KATNIP: variants seen among roughly 807,000 people sequenced by gnomAD.
The protein encoded by KATNIP is katanin-interacting protein.
Under a neutral mutation model 174.0 loss-of-function variants are expected in KATNIP, and 126 were observed. The observed-to-expected ratio is 0.72, with a 90% CI of 0.63 to 0.84. The LOEUF is 0.84. Among genes scored for constraint, KATNIP ranks in the 40% least tolerant of loss-of-function variants. The probability of loss-of-function intolerance (pLI) is 0.00; values close to 1 mark genes in which losing one functional copy is unlikely to be tolerated. For synonymous variants in KATNIP, 810 were observed against 835.7 expected (o/e 0.97, Z 0.53); for missense variants, 1,958 against 2,109.7 (o/e 0.93, Z 1.41).
intron 14 of KATNIP, among the ~76,000 whole-genome samples, chr16:27,736,999 G>A (rs1567370499): frequency 1.3e-5 from 2 of 152,100 alleles, no homozygotes. Flanking sequence ...ACGAGGGGAC[G>A]GCAAGCTTTT....
At chr16:27,680,605 C>T (rs1338848529) in intron 7 of KATNIP, among the ~76,000 whole-genome samples, 1 of 152,128 alleles carries the variant, frequency 6.6e-6, no homozygotes, top group Non-Finnish European at 1.5e-5. Flanking sequence ...TAACTCACTG[C>T]AGTCTCAAAT....
chr16:27,577,056 A>G (rs535934972), intron 2 of KATNIP, among the ~76,000 whole-genome samples: 10 of 152,272 alleles, frequency 6.6e-5, no homozygotes, highest in African/African-American at 2.4e-4. Flanking sequence ...GCTGTTGTCA[A>G]TGAACTCACC....
chr16:27,617,311 T>TA (rs2076070513), intron 2 of KATNIP, among the ~76,000 whole-genome samples: 1 of 152,218 alleles, frequency 6.6e-6, no homozygotes, highest in Admixed American at 6.5e-5. Flanking sequence ...TGGTTTTTTT[T>TA]ATTAGCTTCA....
intron 18 of KATNIP, among the ~76,000 whole-genome samples, chr16:27,761,067 T>C (rs978550577): frequency 6.6e-6 from 1 of 152,144 alleles, no homozygotes; most frequent in East Asian, 1.9e-4. Context: ...GAGAAGTAGA[T>C]AGAAGTCTGA....
chr16:27,641,270 G>T (rs368313178), intron 5 of KATNIP, among the ~76,000 whole-genome samples: 1 of 152,068 alleles, frequency 6.6e-6, no homozygotes. Flanking sequence ...GTTCAGGCAC[G>T]TTTGGGTCCA....
intron 8 of KATNIP, among the ~76,000 whole-genome samples, chr16:27,695,746 A>C (rs2078891558): frequency 6.6e-6 from 1 of 152,174 alleles, no homozygotes; most frequent in Admixed American, 6.5e-5. Flanking sequence ...ACCCCAAAGA[A>C]ATATTTGGAG....
chr16:27,769,811 C>T, intron 20 of KATNIP, 50 bp from the exon 21 acceptor site: 5 of 1,598,018 alleles, frequency 3.1e-6, no homozygotes, highest in Non-Finnish European at 4.3e-6. Context: ...CCGCTTCTGT[C>T]CCCACATGGC....
chr16:27,608,812 A>G (rs535377999), intron 2 of KATNIP, among the ~76,000 whole-genome samples: 25 of 151,816 alleles, frequency 1.6e-4, no homozygotes, highest in Non-Finnish European at 2.8e-4. Context: ...TCACATCCAA[A>G]CTCCTTGGAC....
At chr16:27,570,738 C>T (rs577886933) in intron 1 of KATNIP, among the ~76,000 whole-genome samples, 85 of 152,184 alleles carry the variant, frequency 5.6e-4, no homozygotes, top group African/African-American at 1.9e-3. Flanking sequence ...TAACTCGCCA[C>T]CGTGAAGTCA....
At position 27,637,244 on chromosome 16, in the gene KATNIP, A is replaced by G. The variant is rs923871021; in HGVS notation, c.408+6082A>G. Among the ~76,000 whole-genome samples, 2 of 152,208 alleles carry G rather than the reference A, an allele frequency of 1.3e-5. No homozygotes were observed. Among genetic ancestry groups the G allele is most frequent in the Admixed American group, 6.5e-5 (1 of 15,288 alleles). ...TGGAGGCCTCAGGGCTCTTCACTCT[A>G]GTATGTTCCTTTGCTCACTCATACT... On this transcript the variant is annotated intron_variant, in intron 5 of 27. Transcript: ENST00000261588. The surrounding 1 kb of genome is among the most constrained non-coding windows in gnomAD (Gnocchi z 4.7).
intron 5 of KATNIP, among the ~76,000 whole-genome samples, chr16:27,644,862 C>T (rs933574763): frequency 2.6e-5 from 4 of 152,172 alleles, no homozygotes; most frequent in Non-Finnish European, 5.9e-5. Context: ...TGCACATACT[C>T]TGTGTCCTGT....
At chr16:27,572,637 G>A (rs2090350994) in intron 1 of KATNIP, among the ~76,000 whole-genome samples, 1 of 152,152 alleles carries the variant, frequency 6.6e-6, no homozygotes, top group South Asian at 2.1e-4. Context: ...CCATAGCACA[G>A]CATACTGAGG....
intron 13 of KATNIP, among the ~76,000 whole-genome samples, chr16:27,713,854 A>ATATATATATATCTATC (rs1555482296): frequency 1.4e-5 from 1 of 69,314 alleles, no homozygotes; most frequent in Non-Finnish European, 2.8e-5. Context: ...ATATATATAT[A>ATATATATATATCTATC]TATCTATCTC....
rs932846476 is a variant in KATNIP, at chr16:27,715,916, A to T, written c.1606-5642A>T. Among the ~76,000 whole-genome samples the T allele has an allele frequency of 2.6e-5, 4 of 152,128 alleles. No individual in the cohort carries two copies. The East Asian group carries it at 5.8e-4, about 22-fold the overall frequency. Reference sequence around the variant, plus strand: ...CAAAAAGGTAAATGTAGGGTTACCCATGACCTAGCAATTCCATTCCTAGGT... The same window carrying T: ...CAAAAAGGTAAATGTAGGGTTACCCTTGACCTAGCAATTCCATTCCTAGGT... On this transcript the variant is annotated intron_variant, in intron 13 of 27. Transcript: ENST00000261588.
At chr16:27,621,153 A>G (rs1312509196) in intron 3 of KATNIP, among the ~76,000 whole-genome samples, 15 of 151,982 alleles carry the variant, frequency 9.9e-5, no homozygotes, top group Admixed American at 9.8e-4. Context: ...GCATCCACCT[A>G]TAGTTCTAGC....
At chr16:27,654,848 G>C in intron 6 of KATNIP, 1 of 1,003,510 alleles carries the variant, frequency 1.0e-6, no homozygotes, top group Non-Finnish European at 1.4e-6. Context: ...GAAAACCACA[G>C]GGCGGGCACG....
intron 8 of KATNIP, among the ~76,000 whole-genome samples, chr16:27,684,862 A>C (rs2078467899): frequency 6.6e-6 from 1 of 152,184 alleles, no homozygotes; most frequent in Non-Finnish European, 1.5e-5. Context: ...ACTTCATCTT[A>C]ACTTGATCAT....
At chr16:27,652,947 G>A (rs765087553) in intron 6 of KATNIP, among the ~76,000 whole-genome samples, 6 of 151,822 alleles carry the variant, frequency 4.0e-5, no homozygotes, top group East Asian at 1.9e-4. Context: ...TACCATAAGC[G>A]ATGATTATGC....
chr16:27,723,456 C>G (rs1055262582), intron 14 of KATNIP, among the ~76,000 whole-genome samples: 1 of 151,934 alleles, frequency 6.6e-6, no homozygotes, highest in Admixed American at 6.5e-5. Context: ...TCACTTTCTC[C>G]AGGAAGCCAA....
Sources: allele counts gnomAD v4.1 joint callset (sites outside exome capture counted in the v4.1 genomes callset), GRCh38; gene constraint gnomAD v4.1.1; non-coding constraint Gnocchi (gnomAD v3.1); transcripts MANE v1.5; gene names NCBI Gene and HGNC (gene_info 2026-07-23, HGNC 2026-07-21).